NBAS: variants seen among roughly 807,000 people sequenced by gnomAD.
The protein encoded by NBAS is NBAS subunit of NRZ tethering complex, also known as NAG/BC035112 fusion.
Under a neutral mutation model 302.5 loss-of-function variants are expected in NBAS, and 219 were observed. The ratio of observed to expected loss-of-function variants is 0.72; its 90% CI spans 0.65 to 0.81. The LOEUF is 0.81. Among genes scored for constraint, NBAS ranks in the 30% least tolerant of loss-of-function variants. The pLI is 0.00. For synonymous variants in NBAS, 1,118 were observed against 1,021.6 expected, an observed-to-expected ratio of 1.09 and a Z score of -1.80; for missense variants, 2,932 against 2,841.6, an observed-to-expected ratio of 1.03 and a Z score of -0.72.
At chr2:15,506,283 C>T (rs944936893) in intron 10 of NBAS, among the ~76,000 whole-genome samples, 2 of 151,962 alleles carry the variant, frequency 1.3e-5, no homozygotes, top group Non-Finnish European at 2.9e-5. Flanking sequence ...AAATCTGAAT[C>T]TACACACTAA....
At chr2:15,535,945 G>C (rs953074199) in intron 8 of NBAS, among the ~76,000 whole-genome samples, 7 of 152,214 alleles carry the variant, frequency 4.6e-5, no homozygotes, top group Non-Finnish European at 1.0e-4. Flanking sequence ...GAAGGGGCAT[G>C]AGGGAACTTT....
the NBAS span, among the ~76,000 whole-genome samples, chr2:14,836,419 T>C: frequency 6.6e-6 from 1 of 151,922 alleles, no homozygotes; most frequent in Non-Finnish European, 1.5e-5. Flanking sequence ...GTATTTTGAC[T>C]CTCATGTAAA....
intron 14 of NBAS, 71 bp downstream of exon 14, chr2:15,475,616 A>T: frequency 1.4e-6 from 2 of 1,407,334 alleles, no homozygotes; most frequent in Non-Finnish European, 2.0e-6. Flanking sequence ...AGACAACTCA[A>T]ATAAAAACCA....
chr2:15,195,202 T>C (rs995394652), intron 48 of NBAS, among the ~76,000 whole-genome samples: 5 of 152,148 alleles, frequency 3.3e-5, no homozygotes, highest in African/African-American at 1.2e-4. Context: ...TGTGATAGGA[T>C]TAAGAGATGA....
rs114291677 is a variant in NBAS at position 15,522,019 on chromosome 2, T to C, written c.747-10669A>G. ...GCAAAGAAAACATGAGAGGGTGTAA[T>C]AGGAAGCTAGACAGATTAAAGGCCA... On this transcript the variant is annotated intron_variant, in intron 9 of 51. Coordinates refer to ENST00000281513, the MANE Select transcript of NBAS (RefSeq NM_015909.4). Among the ~76,000 whole-genome samples, 1,051 of 152,194 alleles carry C rather than the reference T, an allele frequency of 6.9e-3. 12 individuals carry two copies. Among genetic ancestry groups the C allele is most frequent in the African/African-American group, 0.023 (935 of 41,510 alleles).
chr2:15,007,395 C>G, the NBAS span, among the ~76,000 whole-genome samples: 3 of 152,190 alleles, frequency 2.0e-5, no homozygotes, highest in East Asian at 3.8e-4. Flanking sequence ...TTCATTTATT[C>G]ATGATTTTTA....
the NBAS span, among the ~76,000 whole-genome samples, chr2:15,132,873 AAAC>A: frequency 6.6e-6 from 1 of 151,980 alleles, no homozygotes; most frequent in African/African-American, 2.4e-5. Context: ...CTAAAAAAAA[AAAC>A]ACTAGGAGAA....
intron 33 of NBAS, among the ~76,000 whole-genome samples, chr2:15,354,330 T>C (rs1286678964): frequency 1.3e-5 from 2 of 152,236 alleles, no homozygotes; most frequent in African/African-American, 2.4e-5. Context: ...CTATACATTA[T>C]ACTCTGAATT....
At chr2:14,876,557 T>TTCCTTCCCCTTTAGGGA in the NBAS span, among the ~76,000 whole-genome samples, 4 of 152,248 alleles carry the variant, frequency 2.6e-5, no homozygotes, top group Admixed American at 6.5e-5. Context: ...GGGAAGGACT[T>TTCCTTCCCCTTTAGGGA]AGGAATCATT....
At chr2:15,370,570 T>TA (rs1384753618) in intron 31 of NBAS, among the ~76,000 whole-genome samples, 1 of 152,194 alleles carries the variant, frequency 6.6e-6, no homozygotes. Flanking sequence ...GTCCTGGGAT[T>TA]AGAGGAGTGA....
intron 35 of NBAS, among the ~76,000 whole-genome samples, chr2:15,344,884 C>T (rs983376930): frequency 2.0e-5 from 3 of 152,166 alleles, no homozygotes; most frequent in African/African-American, 7.2e-5. Context: ...TGTAATCCAT[C>T]ACATAAACAG....
chr2:14,954,582 G>A, the NBAS span, among the ~76,000 whole-genome samples: 1 of 152,270 alleles, frequency 6.6e-6, no homozygotes, highest in Non-Finnish European at 1.5e-5. Flanking sequence ...GTAACTTAGA[G>A]AAAAGAGGTT....
At chr2:15,249,161 T>C (rs973283518) in intron 44 of NBAS, among the ~76,000 whole-genome samples, 12 of 152,126 alleles carry the variant, frequency 7.9e-5, no homozygotes, top group Non-Finnish European at 1.3e-4. Flanking sequence ...TGGTTCAACA[T>C]ACTCAAATCA....
chr2:15,093,697 GT>G, the NBAS span, among the ~76,000 whole-genome samples: 1 of 151,626 alleles, frequency 6.6e-6, no homozygotes, highest in African/African-American at 2.4e-5. Context: ...TCCAACACTG[GT>G]TAAATAATGT....
chr2:15,231,298 A>G (rs573681582), intron 47 of NBAS, among the ~76,000 whole-genome samples: 1 of 152,368 alleles, frequency 6.6e-6, no homozygotes, highest in South Asian at 2.1e-4. Context: ...CACGGGAAGT[A>G]GAAACCCCTG....
the NBAS span, among the ~76,000 whole-genome samples, chr2:14,898,250 CCT>C: frequency 6.6e-6 from 1 of 152,110 alleles, no homozygotes; most frequent in Non-Finnish European, 1.5e-5. Context: ...AAATGTAAAG[CCT>C]CTCTCTTCCT....
intron 51 of NBAS, chr2:15,178,188 G>A (rs912381634): frequency 6.4e-6 from 3 of 469,496 alleles, no homozygotes; most frequent in African/African-American, 4.0e-5. Flanking sequence ...AAAATAGCAT[G>A]CATGTGTATA....
the NBAS span, among the ~76,000 whole-genome samples, chr2:14,984,963 G>A: frequency 9.0e-4 from 137 of 152,228 alleles, no homozygotes; most frequent in Admixed American, 1.5e-3. Flanking sequence ...AAGTCCCTGT[G>A]CAATTAGGAA....
In NBAS at chr2:15,440,344, G is replaced by A. The variant is rs147333484; in HGVS notation, c.2340-12550C>T. On this transcript the variant is annotated intron_variant, in intron 21 of 51. Transcript: ENST00000281513. The stretch of plus-strand genomic sequence containing the variant: ...GGAATGATCAGACAGCAGCATTCGC[G>A]GTTCACGAAAAACCGCTATTCTGCA... 8.9e-3 allele frequency among the ~76,000 whole-genome samples: 1,352 copies of A among 152,228 alleles called. 12 individuals carry two copies. The highest frequency in any genetic ancestry group is 0.014 in the Non-Finnish European group (958 of 68,006).
Sources: gnomAD v4.1 joint callset for allele counts (sites outside exome capture counted in the v4.1 genomes callset) on GRCh38, gnomAD v4.1.1 for gene constraint, MANE v1.5 for transcripts, NCBI Gene and HGNC (gene_info 2026-07-23, HGNC 2026-07-21) for gene names.